Variants in ARMH3 observed in about 807,000 individuals in gnomAD.
ARMH3 encodes the protein armadillo-like helical domain-containing protein 3.
ARMH3 carries 60 observed loss-of-function variants against 99.1 expected under a neutral mutation model. That is an observed-to-expected ratio of 0.61 (90% confidence interval 0.49 to 0.75). ARMH3 has a LOEUF of 0.75. Among genes scored for constraint, ARMH3 ranks in the 30% least tolerant of loss-of-function variants. The pLI is 0.00. For synonymous variants in ARMH3, 285 were observed against 292.8 expected, an observed-to-expected ratio of 0.97 and a Z score of 0.27; for missense variants, 679 against 843.1, an observed-to-expected ratio of 0.81 and a Z score of 2.41.
chr10:101,953,958 G>A (rs1208058487), intron 22 of ARMH3, among the ~76,000 whole-genome samples: 3 of 152,092 alleles, frequency 2.0e-5, no homozygotes, highest in Admixed American at 6.6e-5. Flanking sequence ...TTGGGAGGCC[G>A]AGATGGGCAG....
chr10:101,891,884 G>A (rs952083897), intron 23 of ARMH3, among the ~76,000 whole-genome samples: 16 of 152,198 alleles, frequency 1.1e-4, no homozygotes, highest in African/African-American at 3.4e-4. Flanking sequence ...TAAGGTGAGC[G>A]GATCACTTGA....
At chr10:101,921,955 T>C (rs1843324810) in intron 23 of ARMH3, among the ~76,000 whole-genome samples, 1 of 152,176 alleles carries the variant, frequency 6.6e-6, no homozygotes, top group Middle Eastern at 3.2e-3. Context: ...AACAATGTAC[T>C]ATATATTTTA....
intron 8 of ARMH3, among the ~76,000 whole-genome samples, chr10:102,021,182 C>T (rs1048194688): frequency 1.6e-4 from 24 of 146,274 alleles, no homozygotes; most frequent in African/African-American, 6.1e-4. Flanking sequence ...GCTCAAGCCT[C>T]CCTCCCACCT....
rs1481609239 is a variant in ARMH3 at position 101,854,021 on chromosome 10, G to A, written c.1861-4129C>T. Among the ~76,000 whole-genome samples, 3 of 152,178 alleles carry A rather than the reference G, an allele frequency of 2.0e-5. No individual in the cohort carries two copies. In the East Asian group the frequency reaches 5.8e-4, roughly 29 times the overall value. ...CCAGCTACTCGGGAGGCTGAGGCAGGAGAATCACTTGAACCCAGGAGGCGG... is the reference window on the plus strand; with the variant it reads ...CCAGCTACTCGGGAGGCTGAGGCAGAAGAATCACTTGAACCCAGGAGGCGG... On this transcript the variant is annotated intron_variant, in intron 24 of 25. Transcript: ENST00000370033.
intron 24 of ARMH3, among the ~76,000 whole-genome samples, chr10:101,873,348 G>A (rs546170915): frequency 1.3e-5 from 2 of 151,124 alleles, no homozygotes; most frequent in Admixed American, 1.3e-4. Flanking sequence ...GGAGGCAGAG[G>A]TTGCAGTGAG....
chr10:102,018,722 G>A (rs564373364), intron 8 of ARMH3, among the ~76,000 whole-genome samples: 2 of 152,292 alleles, frequency 1.3e-5, no homozygotes, highest in Admixed American at 6.5e-5. Flanking sequence ...TTGGGAGGCT[G>A]AAGTGGGCAG....
intron 19 of ARMH3, among the ~76,000 whole-genome samples, chr10:101,985,543 C>A (rs1846460613): frequency 6.6e-6 from 1 of 151,596 alleles, no homozygotes; most frequent in East Asian, 1.9e-4. Context: ...GCAAAACTCC[C>A]ATCTCTACAA....
chr10:102,023,378 A>T, intron 8 of ARMH3, 99 bp downstream of exon 8: 2 of 1,067,506 alleles, frequency 1.9e-6, no homozygotes, highest in Non-Finnish European at 2.8e-6. Context: ...TATACCATTT[A>T]CCAAGAACGT....
At chr10:101,863,151 C>G (rs1217338441) in intron 24 of ARMH3, among the ~76,000 whole-genome samples, 1 of 152,144 alleles carries the variant, frequency 6.6e-6, no homozygotes, top group Non-Finnish European at 1.5e-5. Flanking sequence ...TGCGGTGAGC[C>G]AAGATCACGC....
chr10:101,918,227 T>C (rs1590020233), intron 23 of ARMH3, among the ~76,000 whole-genome samples: 1 of 152,314 alleles, frequency 6.6e-6, no homozygotes, highest in South Asian at 2.1e-4. Flanking sequence ...CTGATTTTTG[T>C]ATTTTTAGTA....
intron 15 of ARMH3, among the ~76,000 whole-genome samples, chr10:101,997,609 C>G (rs1847120853): frequency 6.6e-6 from 1 of 150,946 alleles, no homozygotes; most frequent in African/African-American, 2.4e-5. Context: ...AAAAAAAATT[C>G]TGGAGAATGG....
At chr10:101,869,733 A>G (rs180755090) in intron 24 of ARMH3, among the ~76,000 whole-genome samples, 209 of 152,348 alleles carry the variant, frequency 1.4e-3, no homozygotes, top group Non-Finnish European at 2.3e-3. Context: ...ATATAAATCA[A>G]TGAAAAGGAA....
At chr10:101,915,907 C>T (rs931997230) in intron 23 of ARMH3, among the ~76,000 whole-genome samples, 4 of 151,762 alleles carry the variant, frequency 2.6e-5, no homozygotes, top group African/African-American at 9.7e-5. Flanking sequence ...GGGTTCATGC[C>T]ATTCTCCTGC....
chr10:101,956,644 T>C lies in ARMH3; in HGVS notation c.1658A>G (p.Tyr553Cys). ...GCTCTGGTGCATGCGGATAATCTCA[T>C]AGTAAAGTTCATCATAGCTGCTGGG... ...PTPSSYDELYYEIIRMHQSFD... is the reference protein window; with the variant it reads ...PTPSSYDELYCEIIRMHQSFD... The change falls in exon 22 of 26, where the codon TAT becomes TGT. Residue 553 changes from tyrosine to cysteine, a missense_variant. Coordinates refer to ENST00000370033, the MANE Select transcript of ARMH3 (RefSeq NM_024541.3). 6.2e-7 allele frequency: 1 copy of C among 1,613,746 alleles called. No individual in the cohort carries two copies. The highest frequency in any genetic ancestry group is 8.5e-7 in the Non-Finnish European group (1 of 1,179,684).
intron 1 of ARMH3, among the ~76,000 whole-genome samples, chr10:102,055,798 C>G (rs2067834543): frequency 6.6e-6 from 1 of 152,198 alleles, no homozygotes; most frequent in African/African-American, 2.4e-5. Flanking sequence ...GAAGGCCCCG[C>G]AGGGATGCGG....
Position 101,875,273 on chromosome 10 carries a change from G to A in ARMH3, c.1860+14139C>T, listed in dbSNP as rs935443. Among the ~76,000 whole-genome samples, 442 of 150,916 alleles carry A rather than the reference G, an allele frequency of 2.9e-3. 28 individuals are homozygous for A. The East Asian group carries it at 0.072, about 25-fold the overall frequency. On this transcript the variant is annotated intron_variant, in intron 24 of 25. Transcript: ENST00000370033. ...CCAAAAGCACAGGAACTAGAGTAGC[G>A]AACTGTAACAAAACCACAGACCTCA...
intron 20 of ARMH3, among the ~76,000 whole-genome samples, chr10:101,965,710 G>A (rs969898785): frequency 6.6e-6 from 1 of 152,182 alleles, no homozygotes; most frequent in African/African-American, 2.4e-5. Context: ...TAAGTTGTAG[G>A]GAAGTGAGTG....
At chr10:101,850,090 CTTTTTTTT>C (rs754571008) in intron 24 of ARMH3, among the ~76,000 whole-genome samples, 198 bp from the exon 25 acceptor site, 13 of 91,340 alleles carry the variant, frequency 1.4e-4, no homozygotes, top group East Asian at 3.8e-4. Flanking sequence ...CTCTCTCTCT[CTTTTTTTT>C]TTTTTTTTTT....
chr10:102,008,560 TA>T (rs1216952147), intron 13 of ARMH3, among the ~76,000 whole-genome samples: 19 of 151,838 alleles, frequency 1.3e-4, no homozygotes, highest in African/African-American at 4.1e-4. Context: ...GTTTTTATTT[TA>T]TTTTTTTTTG....
Sources: allele counts gnomAD v4.1 joint callset (sites outside exome capture counted in the v4.1 genomes callset), GRCh38; gene constraint gnomAD v4.1.1; transcripts MANE v1.5; gene names NCBI Gene and HGNC (gene_info 2026-07-23, HGNC 2026-07-21).